KIF18A: variants seen among roughly 807,000 people sequenced by gnomAD.
The protein encoded by KIF18A is kinesin-like protein KIF18A.
KIF18A carries 67 observed loss-of-function variants against 103.3 expected under a neutral mutation model. The ratio of observed to expected loss-of-function variants is 0.65; its 90% CI spans 0.53 to 0.79. The LOEUF (loss-of-function observed/expected upper bound fraction) is 0.79, where lower values mean the gene tolerates loss of function less well. KIF18A is among the 30% of genes least tolerant of loss of function. The probability of loss-of-function intolerance (pLI) is 0.00; values close to 1 mark genes in which losing one functional copy is unlikely to be tolerated. For missense variants in KIF18A, 1,032 were observed against 1,062.5 expected (o/e 0.97, Z 0.40); for synonymous variants, 367 against 355.5 (o/e 1.03, Z -0.36).
At chr11:28,094,301 T>TA (rs1350941996) in intron 3 of KIF18A, among the ~76,000 whole-genome samples, 1 of 152,174 alleles carries the variant, frequency 6.6e-6, no homozygotes, top group Non-Finnish European at 1.5e-5. Flanking sequence ...CAGTTATTTT[T>TA]AAAAAGTCCT....
chr11:28,076,943 A>AG, intron 10 of KIF18A, 64 bp downstream of exon 10: 1 of 839,772 alleles, frequency 1.2e-6, no homozygotes, highest in Non-Finnish European at 1.7e-6. Context: ...CTGAAAAAAA[A>AG]AAAAAAAAAA....
At chr11:28,100,488 G>A (rs1168562305) in intron 1 of KIF18A, among the ~76,000 whole-genome samples, 2 of 143,078 alleles carry the variant, frequency 1.4e-5, no homozygotes, top group African/African-American at 2.6e-5. Flanking sequence ...GAAAAAACCC[G>A]AAAGGAGAAG....
intron 2 of KIF18A, among the ~76,000 whole-genome samples, chr11:28,095,276 T>A (rs1268012318): frequency 6.6e-6 from 1 of 152,224 alleles, no homozygotes; most frequent in Non-Finnish European, 1.5e-5. Context: ...GATACTTAAT[T>A]ATTCAATACT....
intron 13 of KIF18A, among the ~76,000 whole-genome samples, chr11:28,045,296 T>C (rs1850617015): frequency 6.6e-6 from 1 of 152,042 alleles, no homozygotes; most frequent in Non-Finnish European, 1.5e-5. Flanking sequence ...ACAATCAATC[T>C]ACTTCAGTAT....
intron 13 of KIF18A, among the ~76,000 whole-genome samples, chr11:28,040,535 C>T (rs76761925): frequency 0.073 from 11,035 of 151,800 alleles, 573 homozygotes; most frequent in Non-Finnish European, 0.12. Context: ...CACAAAGTTG[C>T]AGGCTGTGCC....
In KIF18A at chr11:28,084,508, C is replaced by A. The variant is rs186941854; in HGVS notation, c.1074+124G>T. On this transcript the variant is annotated intron_variant, in intron 7 of 16. Coordinates refer to ENST00000263181, the MANE Select transcript of KIF18A (RefSeq NM_031217.4). The stretch of plus-strand genomic sequence containing the variant: ...TCGACTAAGCAGGTTAGCAAAGACC[C>A]TTCTAACCCTCAGCTGCCTAACTCA... 2.9e-4 allele frequency: 196 copies of A among 675,094 alleles called. No homozygotes were observed. The East Asian group carries it at 5.8e-3, about 20-fold the overall frequency. 41.8% of individuals were successfully genotyped at this position (675,094 alleles called of 1,614,324 possible). A position where few individuals can be genotyped will look rare whatever the true frequency, so the allele number is the denominator to read the frequency against.
At chr11:28,099,445 G>C (rs111981873) in intron 1 of KIF18A, among the ~76,000 whole-genome samples, 2,210 of 152,224 alleles carry the variant, frequency 0.015, 33 homozygotes, top group South Asian at 0.058. Context: ...TAATTGCTAA[G>C]AGTACATTTT....
At position 28,036,391 on chromosome 11, in the gene KIF18A, C is replaced by A; in HGVS notation, c.2222G>T (p.Ser741Ile). ...SFQAISSNIN[S>I]DNCLKMLCEV... The stretch of plus-strand genomic sequence containing the variant: ...ACACAACATTTTCAGACAATTATCA[C>A]TGTTTATGTTTGAGCTGATAGCCTG... Residue 741 changes from serine to isoleucine, a missense_variant, in exon 14 of 17, where the codon AGT becomes ATT. By Grantham distance (142) the Ser-to-Ile change is moderately radical. Transcript: ENST00000263181. The A allele has an allele frequency of 6.2e-7, 1 of 1,611,222 alleles. No homozygotes were observed.
intron 13 of KIF18A, among the ~76,000 whole-genome samples, chr11:28,052,617 C>T (rs1850724981): frequency 6.6e-6 from 1 of 152,034 alleles, no homozygotes; most frequent in African/African-American, 2.4e-5. Flanking sequence ...CCTCCCTGGC[C>T]ACACTCCTGA....
intron 13 of KIF18A, among the ~76,000 whole-genome samples, chr11:28,048,231 T>C (rs976103242): frequency 6.6e-6 from 1 of 152,152 alleles, no homozygotes; most frequent in South Asian, 2.1e-4. Flanking sequence ...CTTTAAAGTA[T>C]ACATACTGTT....
At chr11:28,085,825 G>A (rs530121787) in intron 6 of KIF18A, among the ~76,000 whole-genome samples, 21 of 152,132 alleles carry the variant, frequency 1.4e-4, no homozygotes, top group African/African-American at 5.1e-4. Context: ...GAGGACACCT[G>A]CCAAGTCCCG....
chr11:28,072,269 C>T (rs1334495665), intron 10 of KIF18A, among the ~76,000 whole-genome samples: 1 of 152,072 alleles, frequency 6.6e-6, no homozygotes, highest in Non-Finnish European at 1.5e-5. Flanking sequence ...GTTACTACTG[C>T]TTTGTGTAAA....
chr11:28,070,531 T>G (rs1015741287), intron 10 of KIF18A, among the ~76,000 whole-genome samples: 9 of 152,206 alleles, frequency 5.9e-5, no homozygotes, highest in Non-Finnish European at 1.2e-4. Flanking sequence ...GAAAAATAGT[T>G]GATAGCCACC....
intron 12 of KIF18A, among the ~76,000 whole-genome samples, chr11:28,060,494 A>G (rs143082509): frequency 1.3e-5 from 2 of 152,302 alleles, no homozygotes; most frequent in East Asian, 3.9e-4. Flanking sequence ...TAAGTCAAGT[A>G]GGTAACAAGT....
intron 12 of KIF18A, among the ~76,000 whole-genome samples, chr11:28,059,403 T>C (rs1850829693): frequency 6.6e-6 from 1 of 152,044 alleles, no homozygotes; most frequent in Non-Finnish European, 1.5e-5. Context: ...TAATAGGAGA[T>C]TGCTTTGAGG....
intron 13 of KIF18A, among the ~76,000 whole-genome samples, chr11:28,041,695 C>T (rs1349804467): frequency 4.0e-5 from 6 of 151,702 alleles, no homozygotes; most frequent in South Asian, 4.2e-4. Context: ...ACAGAAAAAT[C>T]GGTAACAAGG....
At chr11:28,025,015 T>A (rs1850297436) in intron 15 of KIF18A, among the ~76,000 whole-genome samples, 1 of 151,980 alleles carries the variant, frequency 6.6e-6, no homozygotes, top group African/African-American at 2.4e-5. Context: ...ACAATAATAA[T>A]AAAATAGAGC....
intron 9 of KIF18A, among the ~76,000 whole-genome samples, chr11:28,079,499 C>A (rs10501094): frequency 0.14 from 21,302 of 151,986 alleles, 1,655 homozygotes; most frequent in South Asian, 0.25. Context: ...TGAATCAGGT[C>A]TGAAAGCCAC....
Position 28,027,282 on chromosome 11 carries a change from T to C in KIF18A, c.2505-3432A>G, listed in dbSNP as rs908511661. ...TATATTTGTCATTGCATTCAATTTA[T>C]AGGATATAAAGAATGCATCATGAAC... On this transcript the variant is annotated intron_variant, in intron 15 of 16. Transcript: ENST00000263181. Among the ~76,000 whole-genome samples, 8 of 152,044 alleles carry C rather than the reference T, an allele frequency of 5.3e-5. No individual in the cohort carries two copies. The East Asian group carries it at 9.7e-4, about 18-fold the overall frequency.
Sources: allele counts gnomAD v4.1 joint callset (sites outside exome capture counted in the v4.1 genomes callset), GRCh38; gene constraint gnomAD v4.1.1; transcripts MANE v1.5; gene names NCBI Gene and HGNC (gene_info 2026-07-23, HGNC 2026-07-21).